Variants in SNAPC4 observed in about 807,000 individuals in gnomAD.
SNAPC4 encodes the protein small nuclear RNA activating complex polypeptide 4.
Under a neutral mutation model 151.3 loss-of-function variants are expected in SNAPC4, and 127 were observed. The ratio of observed to expected loss-of-function variants is 0.84; its 90% CI spans 0.73 to 0.97. SNAPC4 has a LOEUF of 0.97. SNAPC4 is among the 50% of genes least tolerant of loss of function. The pLI, the probability that SNAPC4 is intolerant of heterozygous loss-of-function variation, is 0.00. For synonymous variants in SNAPC4, 1,002 were observed against 824.4 expected (o/e 1.22, Z -3.69); for missense variants, 2,186 against 1,935.0 (o/e 1.13, Z -2.43).
chr9:136,376,279 GC>G, intron 23 of SNAPC4, 69 bp downstream of exon 23: 2 of 1,568,030 alleles, frequency 1.3e-6, no homozygotes, highest in Non-Finnish European at 1.7e-6. Context: ...AGAGGCCAAG[GC>G]CCCCTGCCAT....
At position 136,398,368 on chromosome 9, in the gene SNAPC4, A is replaced by C; in HGVS notation, c.61T>G (p.Leu21Val). ...TGGGAGCCCGAGGAGCCGGGATCCA[A>C]AATCCTTTCCAGCTCCTTGATCTCC... ...TQEIKELERI[L>V]DPGSSGSHVE... The change falls in exon 2 of 24, where the codon TTG (leucine) becomes GTG (valine). Residue 21 changes from leucine to valine, a missense_variant. By Grantham distance (32) the Leu-to-Val change is conservative (BLOSUM62 1). Coordinates refer to ENST00000684778, the MANE Select transcript of SNAPC4 (RefSeq NM_003086.4). 6.2e-7 allele frequency: 1 copy of C among 1,613,938 alleles called. No homozygotes were observed. The highest frequency in any genetic ancestry group is 8.5e-7 in the Non-Finnish European group (1 of 1,179,930).
chr9:136,386,909 C>G (rs1038361215), intron 13 of SNAPC4, among the ~76,000 whole-genome samples: 2 of 152,150 alleles, frequency 1.3e-5, no homozygotes, highest in Non-Finnish European at 2.9e-5. Context: ...CCACCCCCAC[C>G]ATGCCCGGGT....
At chr9:136,396,110 CCT>C (rs912842208) in intron 3 of SNAPC4, among the ~76,000 whole-genome samples, 2 of 152,210 alleles carry the variant, frequency 1.3e-5, no homozygotes, top group Admixed American at 6.5e-5. Context: ...GTCCTGAGCC[CCT>C]GTCGTGTGCA....
intron 18 of SNAPC4, 99 bp downstream of exon 18, chr9:136,381,725 A>T: frequency 6.9e-7 from 1 of 1,443,710 alleles, no homozygotes; most frequent in Non-Finnish European, 9.4e-7. Context: ...TCCCCTGCTG[A>T]GGCCACTTCC....
rs747938130 is a variant in SNAPC4 at position 136,383,559 on chromosome 9, C to T, written c.1610G>A (p.Ser537Asn). The change falls in exon 16 of 24, where the codon AGC (serine) becomes AAC (asparagine). Residue 537 changes from serine (S) to asparagine (N), a missense_variant. Ser to Asn is a conservative substitution (Grantham distance 46). Coordinates refer to ENST00000684778, the MANE Select transcript of SNAPC4 (RefSeq NM_003086.4). This position sits in a 1 kb window ranked among gnomAD's most constrained non-coding sequence, Gnocchi z 4.2. Reference sequence around the variant, plus strand: ...GTCCTCCTCGCTGCTGCTGCTGCTGCTGCTGCTGCTCCCTCCACTGCTGCC... The same window carrying T: ...GTCCTCCTCGCTGCTGCTGCTGCTGTTGCTGCTGCTCCCTCCACTGCTGCC... ...SSGSSGGSSS[S>N]SSSSSEEDEP... 1.9e-6 allele frequency: 3 copies of T among 1,606,950 alleles called. No individual in the cohort carries two copies. The African/African-American group carries it at 4.0e-5, about 21-fold the overall frequency.
Position 136,379,130 on chromosome 9 carries a change from C to A in SNAPC4, c.2697G>T (p.Glu899Asp). ...TGGCACGGGCCTCCTGAAGCCGCTT[C>A]TCCTGAAGCAGCTCCGACACAGTCT... ...KPKTVSELLQ[E>D]KRLQEARARE... Residue 899 changes from glutamate (E) to aspartate (D), a missense_variant, in exon 22 of 24, where the codon GAG (glutamate) becomes GAT (aspartate). Transcript: ENST00000684778. The A allele has an allele frequency of 6.4e-7, 1 of 1,569,152 alleles. No individual in the cohort carries two copies.
intron 21 of SNAPC4, 39 bp downstream of exon 21, chr9:136,379,798 T>G: frequency 6.2e-7 from 1 of 1,603,344 alleles, no homozygotes; most frequent in South Asian, 1.1e-5. Context: ...CAGGGCCAGG[T>G]TAGGTCTCTT....
At chr9:136,391,806 A>T in intron 10 of SNAPC4, 136 bp downstream of exon 10, 1 of 936,636 alleles carries the variant, frequency 1.1e-6, no homozygotes, top group Non-Finnish European at 1.6e-6. Flanking sequence ...CTAGGGCCAC[A>T]GCCTGGAGGT....
Position 136,378,839 on chromosome 9 carries a change from G to A in SNAPC4, c.2988C>T (p.Ala996=), listed in dbSNP as rs754164260. Reference sequence around the variant, plus strand: ...GGGAAGCAGCAGGGGCTGTGCCCTCGGCCTCTGAGAAGACAGGAGCGAGGG... The same window carrying A: ...GGGAAGCAGCAGGGGCTGTGCCCTCAGCCTCTGAGAAGACAGGAGCGAGGG... The part of the protein sequence containing the change: ...ALPLAPVFSE[A]EGTAPAASQA... The change falls in exon 22 of 24, where the codon GCC becomes GCT. Residue 996 remains alanine, a synonymous_variant. Transcript: ENST00000684778. 7.0e-5 allele frequency: 113 copies of A among 1,604,918 alleles called. No homozygotes were observed. Among genetic ancestry groups the A allele is most frequent in the Middle Eastern group, 3.3e-4 (2 of 5,996 alleles).
intron 16 of SNAPC4, among the ~76,000 whole-genome samples, chr9:136,382,662 T>C (rs1206380661): frequency 1.3e-5 from 2 of 152,236 alleles, no homozygotes. Context: ...CACCTAGCTC[T>C]GCCAGTAGCT....
Position 136,378,454 on chromosome 9 carries a change from G to T in SNAPC4, c.3373C>A (p.Pro1125Thr), listed in dbSNP as rs751508621. The change falls in exon 22 of 24, where the codon CCC (proline) becomes ACC (threonine). Residue 1125 changes from proline (P) to threonine (T), a missense_variant. Transcript: ENST00000684778. ...PLTETRAAQG[P>T]RAPALSSSWQ... ...GAGCTGCTCAACGCTGGGGCCCTGG[G>T]GCCCTGGGCCGCCCGAGTCTCAGTC... 6.3e-7 allele frequency: 1 copy of T among 1,588,972 alleles called. No homozygotes were observed. Among genetic ancestry groups the T allele is most frequent in the Non-Finnish European group, 8.5e-7 (1 of 1,171,656 alleles).
chr9:136,397,078 G>A, intron 2 of SNAPC4, 55 bp from the exon 3 acceptor site: 1 of 1,493,592 alleles, frequency 6.7e-7, no homozygotes, highest in Non-Finnish European at 9.3e-7. Flanking sequence ...GGCAGGGTGG[G>A]GGCGCAGCTC....
chr9:136,395,034 C>G (rs148042688), intron 5 of SNAPC4, among the ~76,000 whole-genome samples, 156 bp from the exon 6 acceptor site: 12 of 152,218 alleles, frequency 7.9e-5, no homozygotes, highest in African/African-American at 2.9e-4. Context: ...CCGGCCACTC[C>G]ATGAAGCCTG....
intron 13 of SNAPC4, among the ~76,000 whole-genome samples, chr9:136,385,565 TTG>T (rs67592680): frequency 0.23 from 33,375 of 147,748 alleles, 3,721 homozygotes; most frequent in Admixed American, 0.27. Flanking sequence ...CCCCCCCCTT[TTG>T]TTTTTTTTGA....
Position 136,387,854 on chromosome 9 carries a change from G to A in SNAPC4, c.1124-6C>T, listed in dbSNP as rs765640371. 2.0e-6 allele frequency: 3 copies of A among 1,525,088 alleles called. No homozygotes were observed. The highest frequency in any genetic ancestry group is 2.2e-5 in the East Asian group (1 of 44,470). The allele number at this position is 1,525,088 out of a possible 1,614,324, so 94.5% of individuals were successfully genotyped here. ...CCCTTCCATATAGTAGACAACTAGG[G>A]ACAGAGGAACAGGGAGGTCCTGTGG... On this transcript the variant is annotated splice_region_variant and splice_polypyrimidine_tract_variant and intron_variant, in intron 11 of 23. Coordinates refer to ENST00000684778, the MANE Select transcript of SNAPC4 (RefSeq NM_003086.4).
chr9:136,378,344 G>T lies in SNAPC4; in HGVS notation c.3483C>A (p.Ser1161=). ...TGCCATCCGCTTCTGCAGGACTTTGGGAGAGGGCGTGTGTGGGAGGAGCTG... is the reference window on the plus strand; with the variant it reads ...TGCCATCCGCTTCTGCAGGACTTTGTGAGAGGGCGTGTGTGGGAGGAGCTG... The part of the protein sequence containing the change: ...DTPAPPTHAL[S]QSPAEADGSV... Residue 1161 remains serine (S), a synonymous_variant, in exon 22 of 24, where the codon TCC becomes TCA. Transcript: ENST00000684778. 1 of 1,608,420 alleles carries T rather than the reference G, an allele frequency of 6.2e-7. No homozygotes were observed.
At chr9:136,395,524 C>T in intron 4 of SNAPC4, 79 bp downstream of exon 4, 1 of 1,566,844 alleles carries the variant, frequency 6.4e-7, no homozygotes, top group Non-Finnish European at 8.7e-7. Context: ...GCTGGGGAGC[C>T]CTGGACCTGG....
chr9:136,395,535 G>A, intron 4 of SNAPC4, 68 bp downstream of exon 4: 1 of 1,563,020 alleles, frequency 6.4e-7, no homozygotes, highest in Non-Finnish European at 8.7e-7. Flanking sequence ...CTGGACCTGG[G>A]AGGCCCAGCT....
intron 10 of SNAPC4, among the ~76,000 whole-genome samples, 188 bp downstream of exon 10, chr9:136,391,754 G>A (rs891455462): frequency 2.0e-5 from 3 of 152,248 alleles, no homozygotes; most frequent in Admixed American, 6.5e-5. Context: ...GAGGAGCTGC[G>A]GCAATGGCCT....
Sources: allele counts gnomAD v4.1 joint callset (sites outside exome capture counted in the v4.1 genomes callset), GRCh38; gene constraint gnomAD v4.1.1; non-coding constraint Gnocchi (gnomAD v3.1); transcripts MANE v1.5; gene names NCBI Gene and HGNC (gene_info 2026-07-23, HGNC 2026-07-21).